SGPP2: variants seen among roughly 807,000 people sequenced by gnomAD.
The protein encoded by SGPP2 is sphingosine 1-phosphate phosphohydrolase 2.
Under a neutral mutation model 33.9 loss-of-function variants are expected in SGPP2, and 30 were observed. That is an observed-to-expected ratio of 0.89 (90% CI 0.66 to 1.20). The LOEUF (loss-of-function observed/expected upper bound fraction) is 1.20, where lower values mean the gene tolerates loss of function less well. Ranked by LOEUF, SGPP2 falls within the 50% of genes most tolerant of loss-of-function variation. The pLI is 0.00. For synonymous variants in SGPP2, 233 were observed against 225.0 expected, an observed-to-expected ratio of 1.04 and a Z score of -0.32; for missense variants, 458 against 532.1, an observed-to-expected ratio of 0.86 and a Z score of 1.37.
rs1689473099 is a variant in SGPP2 at position 222,558,979 on chromosome 2, T to C, written c.*81T>C. On this transcript the variant is annotated 3_prime_UTR_variant, in exon 5 of 5. Transcript: ENST00000321276. ...TTATTGGTAGGCAAATCTTGACAAC[T>C]TATTTTTCTTTAACAACAACAAAAA... 2.2e-6 allele frequency: 3 copies of C among 1,384,332 alleles called. No homozygotes were observed. Among genetic ancestry groups the C allele is most frequent in the African/African-American group, 2.9e-5 (2 of 69,362 alleles). 85.8% of individuals were successfully genotyped at this position (1,384,332 alleles called of 1,614,324 possible).
At chr2:222,520,465 T>G (rs1005414714) in intron 2 of SGPP2, among the ~76,000 whole-genome samples, 4 of 152,168 alleles carry the variant, frequency 2.6e-5, no homozygotes, top group African/African-American at 7.2e-5. Context: ...GCATGGCAGC[T>G]CACGTCTGTA....
chr2:222,477,166 G>C lies in SGPP2; in HGVS notation c.378+2440G>C, dbSNP rs1176667498. 6.8e-6 allele frequency among the ~76,000 whole-genome samples: 1 copy of C among 147,284 alleles called. No individual in the cohort carries two copies. The highest frequency in any genetic ancestry group is 2.5e-5 in the African/African-American group (1 of 39,968). ...GTGTATATATCTGTGTGTGTGTATAGGTGTGTGTATATGTGTATGTGTGTA... is the reference window on the plus strand; with the variant it reads ...GTGTATATATCTGTGTGTGTGTATACGTGTGTGTATATGTGTATGTGTGTA... On this transcript the variant is annotated intron_variant, in intron 2 of 4. Coordinates refer to ENST00000321276, the MANE Select transcript of SGPP2 (RefSeq NM_152386.4). The surrounding 1 kb of genome is among the most constrained non-coding windows in gnomAD (Gnocchi z 6.0).
chr2:222,527,904 G>T (rs182805282), intron 4 of SGPP2, among the ~76,000 whole-genome samples: 225 of 152,240 alleles, frequency 1.5e-3, no homozygotes, highest in Admixed American at 0.012. Flanking sequence ...CAGGCCCCTG[G>T]ACTTGGAATG....
rs140870301 is a variant in SGPP2, at chr2:222,509,175, T to A, written c.379-12592T>A. On this transcript the variant is annotated intron_variant, in intron 2 of 4. Transcript: ENST00000321276. ...TTGAATAGACAAAAACACAATCTAG[T>A]GCAGTCAATCTCTTTTTTGTAAGAC... is the stretch of plus-strand genomic sequence containing the variant. Among the ~76,000 whole-genome samples, 881 of 152,204 alleles carry A rather than the reference T, an allele frequency of 5.8e-3. 6 individuals carry two copies. The highest frequency in any genetic ancestry group is 0.011 in the Admixed American group (166 of 15,280).
intron 4 of SGPP2, among the ~76,000 whole-genome samples, chr2:222,540,384 C>G (rs1047197490): frequency 6.6e-5 from 10 of 152,130 alleles, no homozygotes; most frequent in African/African-American, 2.4e-4. Flanking sequence ...TTGGGCATTT[C>G]AAATTTTGAA....
chr2:222,473,667 G>A (rs374952470), intron 1 of SGPP2, among the ~76,000 whole-genome samples: 19 of 152,298 alleles, frequency 1.2e-4, no homozygotes, highest in South Asian at 4.1e-4. Flanking sequence ...GCTCACGCCC[G>A]TAATCCCAGC....
chr2:222,463,450 T>TA (rs201275878), intron 1 of SGPP2, among the ~76,000 whole-genome samples: 1,861 of 152,018 alleles, frequency 0.012, 33 homozygotes, highest in African/African-American at 0.038. Flanking sequence ...CTACAAAATA[T>TA]AAAAAAAATA....
At chr2:222,424,538 G>C (rs1266080963), upstream of SGPP2, 56 of 1,093,438 alleles carry the variant, frequency 5.1e-5, 1 homozygote, top group South Asian at 2.3e-3. Context: ...GGCGGGAGTG[G>C]CGGTGCCAGC....
At position 222,472,790 on chromosome 2, in the gene SGPP2, A is replaced by G. The variant is rs190984057; in HGVS notation, c.220-1778A>G. On this transcript the variant is annotated intron_variant, in intron 1 of 4. Transcript: ENST00000321276. ...AACTAAACTAAAGGCCAAGGCAGGC[A>G]GATTACCTGAAGTCAGGAGTTGGAC... is the stretch of plus-strand genomic sequence containing the variant. Among the ~76,000 whole-genome samples the G allele has an allele frequency of 3.4e-4, 52 of 152,336 alleles. No homozygotes were observed. In the East Asian group the frequency reaches 8.7e-3, roughly 25 times the overall value.
intron 1 of SGPP2, among the ~76,000 whole-genome samples, chr2:222,470,057 T>G (rs1300653043): frequency 6.6e-6 from 1 of 152,130 alleles, no homozygotes; most frequent in African/African-American, 2.4e-5. Flanking sequence ...AAGTGGGAGT[T>G]GAACAACGAG....
chr2:222,532,355 T>G (rs902404065), intron 4 of SGPP2, among the ~76,000 whole-genome samples: 24 of 151,820 alleles, frequency 1.6e-4, no homozygotes, highest in African/African-American at 5.6e-4. Context: ...GGAGAGCAAT[T>G]CAAGGAGAGA....
chr2:222,461,107 G>A (rs560406085), intron 1 of SGPP2, among the ~76,000 whole-genome samples: 2 of 152,102 alleles, frequency 1.3e-5, no homozygotes, highest in Non-Finnish European at 2.9e-5. Flanking sequence ...TACTCCAACT[G>A]GACTTTCTTT....
At chr2:222,478,021 C>T (rs533774698) in intron 2 of SGPP2, among the ~76,000 whole-genome samples, 2 of 152,208 alleles carry the variant, frequency 1.3e-5, no homozygotes, top group East Asian at 1.9e-4. Context: ...ACCAGTCCCC[C>T]TGTGCTGAGA....
At chr2:222,546,797 A>G (rs1689208806) in intron 4 of SGPP2, among the ~76,000 whole-genome samples, 1 of 150,860 alleles carries the variant, frequency 6.6e-6, no homozygotes, top group African/African-American at 2.5e-5. Context: ...AATATAATTC[A>G]GACGTTTTTA....
intron 2 of SGPP2, among the ~76,000 whole-genome samples, chr2:222,517,755 C>T (rs1457625631): frequency 6.6e-6 from 1 of 152,228 alleles, no homozygotes; most frequent in Non-Finnish European, 1.5e-5. Flanking sequence ...CTGCACCCTG[C>T]CCGTCTGTGT....
intron 2 of SGPP2, among the ~76,000 whole-genome samples, chr2:222,518,139 G>T (rs1282892278): frequency 1.3e-5 from 2 of 152,212 alleles, no homozygotes; most frequent in African/African-American, 2.4e-5. Context: ...CTTGAAAAAT[G>T]TAGCTCTATT....
At chr2:222,505,841 A>G (rs1698436537) in intron 2 of SGPP2, among the ~76,000 whole-genome samples, 1 of 151,568 alleles carries the variant, frequency 6.6e-6, no homozygotes, top group South Asian at 2.1e-4. Context: ...GGGCTGAGGA[A>G]GGAGAATCAT....
Position 222,505,697 on chromosome 2 carries a change from G to T in SGPP2, c.379-16070G>T, listed in dbSNP as rs186669670. 3.3e-5 allele frequency among the ~76,000 whole-genome samples: 5 copies of T among 152,192 alleles called. No individual in the cohort carries two copies. In the East Asian group the frequency reaches 9.6e-4, roughly 29 times the overall value. On this transcript the variant is annotated intron_variant, in intron 2 of 4. Coordinates refer to ENST00000321276, the MANE Select transcript of SGPP2 (RefSeq NM_152386.4). ...ACCTGTAATCCCAGCACTTTGGTAG[G>T]CTGAGGAGGGTAGATTGCTTGAGCT...
intron 2 of SGPP2, among the ~76,000 whole-genome samples, chr2:222,505,043 A>G (rs916019475): frequency 2.6e-5 from 4 of 152,250 alleles, no homozygotes; most frequent in Non-Finnish European, 4.4e-5. Flanking sequence ...AGCAAGTAAC[A>G]TGAGTTTTGA....
Sources: gnomAD v4.1 joint callset for allele counts (sites outside exome capture counted in the v4.1 genomes callset) on GRCh38, gnomAD v4.1.1 for gene constraint, Gnocchi (gnomAD v3.1) non-coding constraint, MANE v1.5 for transcripts, NCBI Gene and HGNC (gene_info 2026-07-23, HGNC 2026-07-21) for gene names.